The following FRK variants were observed in gnomAD, a reference collection of about 807,000 sequenced individuals.
FRK encodes the protein tyrosine-protein kinase FRK.
FRK carries 51 observed loss-of-function variants against 56.4 expected under a neutral mutation model. That is an observed-to-expected ratio of 0.90 (90% CI 0.72 to 1.14). The LOEUF is 1.14. Ranked by LOEUF, FRK falls within the 50% of genes most tolerant of loss-of-function variation. The pLI, the probability that FRK is intolerant of heterozygous loss-of-function variation, is 0.00. For missense variants in FRK, 570 were observed against 601.4 expected (o/e 0.95, Z 0.55); for synonymous variants, 245 against 217.9 (o/e 1.12, Z -1.10).
At position 115,942,173 on chromosome 6, in the gene FRK, G is replaced by GTTTAAAA. The variant is rs1772211537; in HGVS notation, c.*240_*241insTTTTAAA. 1 of 399,658 alleles carries GTTTAAAA rather than the reference G, an allele frequency of 2.5e-6. No individual in the cohort carries two copies. The highest frequency in any genetic ancestry group is 2.1e-5 in the African/African-American group (1 of 48,690). The allele number at this position is 399,658 out of a possible 1,614,324, so 24.8% of individuals were successfully genotyped here. On this transcript the variant is annotated 3_prime_UTR_variant, in exon 8 of 8. Coordinates refer to ENST00000606080, the MANE Select transcript of FRK (RefSeq NM_002031.3). Reference sequence around the variant, plus strand: ...ATCTCTTAAAAAGAAAAATAACTTGGTTTAGTGTGCTTAATTTTACCAGGC... The same window carrying GTTTAAAA: ...ATCTCTTAAAAAGAAAAATAACTTGGTTTAAAATTTAGTGTGCTTAATTTTACCAGGC...
At chr6:116,061,646 T>G (rs1332677218), upstream of FRK, among the ~76,000 whole-genome samples, 2 of 152,152 alleles carry the variant, frequency 1.3e-5, no homozygotes, top group African/African-American at 4.8e-5. Flanking sequence ...CTTCCCTAGT[T>G]CGGAGCAGCT....
chr6:115,975,384 G>A (rs1773955028), intron 2 of FRK, among the ~76,000 whole-genome samples: 1 of 152,028 alleles, frequency 6.6e-6, no homozygotes, highest in Non-Finnish European at 1.5e-5. Flanking sequence ...ATTGTAGCCA[G>A]GATGAAGGCA....
At chr6:116,002,486 A>G (rs988531050) in intron 2 of FRK, among the ~76,000 whole-genome samples, 9 of 152,172 alleles carry the variant, frequency 5.9e-5, no homozygotes, top group Non-Finnish European at 1.0e-4. Flanking sequence ...GCATAGTGGC[A>G]CGCGCCTGTA....
chr6:116,039,071 A>C (rs2114782343), intron 1 of FRK: 1 of 768,714 alleles, frequency 1.3e-6, no homozygotes, highest in East Asian at 2.5e-5. Flanking sequence ...GGAGTCAGAT[A>C]AGCTGATTGG....
chr6:115,997,393 C>G (rs796615267), intron 2 of FRK, among the ~76,000 whole-genome samples: 1 of 151,504 alleles, frequency 6.6e-6, no homozygotes, highest in South Asian at 2.1e-4. Context: ...GAAATTTTAT[C>G]ATAGAAAGTA....
At chr6:116,024,156 G>A (rs1202219931) in intron 1 of FRK, among the ~76,000 whole-genome samples, 1 of 151,914 alleles carries the variant, frequency 6.6e-6, no homozygotes, top group African/African-American at 2.4e-5. Context: ...TACCATCAAG[G>A]AGGGTATGGA....
At chr6:115,999,037 C>G (rs1172268737) in intron 2 of FRK, among the ~76,000 whole-genome samples, 3 of 151,914 alleles carry the variant, frequency 2.0e-5, no homozygotes, top group African/African-American at 7.3e-5. Context: ...AATTTTAGAC[C>G]CTAAAGTGCA....
intron 1 of FRK, among the ~76,000 whole-genome samples, chr6:116,038,193 TG>T (rs1375344636): frequency 6.6e-6 from 1 of 152,212 alleles, no homozygotes; most frequent in Non-Finnish European, 1.5e-5. Context: ...CAGCCTGTCA[TG>T]TTTGGTTTAC....
intron 4 of FRK, among the ~76,000 whole-genome samples, chr6:115,960,645 G>A (rs1315539445): frequency 5.0e-5 from 3 of 59,750 alleles, no homozygotes; most frequent in Non-Finnish European, 9.8e-5. Flanking sequence ...AAGTGTCCCT[G>A]TCTGACAGCT....
the FRK span, among the ~76,000 whole-genome samples, chr6:116,070,838 G>A: frequency 6.6e-6 from 1 of 152,070 alleles, no homozygotes; most frequent in Admixed American, 6.6e-5. Flanking sequence ...CCAAGAAATT[G>A]GATAGAGCTT....
At chr6:116,049,997 C>T (rs1305344414) in intron 1 of FRK, among the ~76,000 whole-genome samples, 1 of 152,134 alleles carries the variant, frequency 6.6e-6, no homozygotes, top group African/African-American at 2.4e-5. Context: ...TGTCTTCATT[C>T]ATGAGTTGAA....
the FRK span, among the ~76,000 whole-genome samples, chr6:116,083,615 G>A: frequency 6.6e-6 from 1 of 152,050 alleles, no homozygotes; most frequent in Non-Finnish European, 1.5e-5. Context: ...AGATTGCTGG[G>A]CCCGACCTCC....
At chr6:116,084,480 T>G in the FRK span, among the ~76,000 whole-genome samples, 2 of 152,184 alleles carry the variant, frequency 1.3e-5, no homozygotes, top group Non-Finnish European at 2.9e-5. Flanking sequence ...AGATCAGTGA[T>G]TACAGGCTGT....
intron 5 of FRK, among the ~76,000 whole-genome samples, chr6:115,950,398 T>C (rs1369575437): frequency 6.6e-6 from 1 of 152,064 alleles, no homozygotes; most frequent in African/African-American, 2.4e-5. Flanking sequence ...AAGAAGACAT[T>C]CATGCAGTCA....
In FRK at chr6:115,968,536, T is replaced by C. The variant is rs753123637; in HGVS notation, c.630+40A>G. The C allele has an allele frequency of 6.9e-6, 11 of 1,583,286 alleles. No individual in the cohort carries two copies. The African/African-American group carries it at 1.2e-4, about 18-fold the overall frequency. On this transcript the variant is annotated intron_variant, in intron 3 of 7. Transcript: ENST00000606080. ...TACTCAGATATCTGAAGGAAAAAAG[T>C]TAACTTCAATAAAAAAACACAGCTT...
At chr6:116,049,135 T>C (rs1405325891) in intron 1 of FRK, among the ~76,000 whole-genome samples, 1 of 152,196 alleles carries the variant, frequency 6.6e-6, no homozygotes, top group Non-Finnish European at 1.5e-5. Context: ...CTGCCTTCTA[T>C]CTATTTCTAT....
chr6:116,066,457 G>A, the FRK span, among the ~76,000 whole-genome samples: 4 of 151,420 alleles, frequency 2.6e-5, no homozygotes, highest in African/African-American at 9.8e-5. Flanking sequence ...GTGTATGTGT[G>A]TGTGTATCCT....
the FRK span, among the ~76,000 whole-genome samples, chr6:116,089,316 C>T: frequency 3.3e-5 from 5 of 152,212 alleles, no homozygotes; most frequent in African/African-American, 1.2e-4. Context: ...ATAGTTTTCT[C>T]AGCCCAGCCC....
chr6:116,075,856 G>A, the FRK span, among the ~76,000 whole-genome samples: 2 of 152,138 alleles, frequency 1.3e-5, no homozygotes, highest in Non-Finnish European at 2.9e-5. Context: ...AGTGACAAGA[G>A]GTGACAATGA....
Sources: allele counts gnomAD v4.1 joint callset (sites outside exome capture counted in the v4.1 genomes callset), GRCh38; gene constraint gnomAD v4.1.1; transcripts MANE v1.5; gene names NCBI Gene and HGNC (gene_info 2026-07-23, HGNC 2026-07-21).